Variants in SLC26A5 observed in about 807,000 individuals in gnomAD.
The protein encoded by SLC26A5 is solute carrier family 26 member 5.
In SLC26A5, 51 loss-of-function variants were observed where a neutral mutation model predicts 81.0. That is an observed-to-expected ratio of 0.63 (90% CI 0.50 to 0.80). The LOEUF (loss-of-function observed/expected upper bound fraction) is 0.80, where lower values mean the gene tolerates loss of function less well. Ranked by LOEUF, SLC26A5 falls within the 30% of genes least tolerant of loss-of-function variation. The pLI is 0.00. For missense variants in SLC26A5, 771 were observed against 905.8 expected, an observed-to-expected ratio of 0.85 and a Z score of 1.91; for synonymous variants, 325 against 332.8, an observed-to-expected ratio of 0.98 and a Z score of 0.25.
chr7:103,360,361 C>CT (rs1554574396), intron 19 of SLC26A5, among the ~76,000 whole-genome samples: 4 of 151,332 alleles, frequency 2.6e-5, no homozygotes, highest in South Asian at 2.1e-4. Context: ...TGGTCAGCCT[C>CT]TTTTTTTTTG....
chr7:103,437,519 A>G (rs1269261852), intron 2 of SLC26A5, among the ~76,000 whole-genome samples: 3 of 152,252 alleles, frequency 2.0e-5, no homozygotes, highest in African/African-American at 7.2e-5. Context: ...TAGCTAAGAC[A>G]TGGAACCAAT....
intron 14 of SLC26A5, among the ~76,000 whole-genome samples, chr7:103,386,266 CTTTAAAA>C (rs1822186217): frequency 6.6e-6 from 1 of 151,646 alleles, no homozygotes; most frequent in Non-Finnish European, 1.5e-5. Context: ...ACTTGCTGGA[CTTTAAAA>C]TTTATGATAA....
At chr7:103,365,655 C>T (rs1430043819) in intron 19 of SLC26A5, among the ~76,000 whole-genome samples, 3 of 151,804 alleles carry the variant, frequency 2.0e-5, no homozygotes, top group Admixed American at 6.6e-5. Flanking sequence ...AATAGCTGCG[C>T]GCAGTGGCTC....
At chr7:103,391,826 T>C (rs906426487) in intron 10 of SLC26A5, 91 bp from the exon 11 acceptor site, 3 of 930,334 alleles carry the variant, frequency 3.2e-6, no homozygotes, top group African/African-American at 1.6e-5. Context: ...TTGTCAGCAC[T>C]ACAGCCTATC....
intron 1 of SLC26A5, among the ~76,000 whole-genome samples, chr7:103,444,997 G>A (rs1270037842): frequency 6.6e-6 from 1 of 152,178 alleles, no homozygotes; most frequent in African/African-American, 2.4e-5. Context: ...GCATTTCTAT[G>A]CTGTAAATTC....
At chr7:103,441,217 A>C (rs933627026) in intron 2 of SLC26A5, among the ~76,000 whole-genome samples, 10 of 152,064 alleles carry the variant, frequency 6.6e-5, no homozygotes. Context: ...TGCTCAACTC[A>C]TGTCTGTCTC....
At chr7:103,390,954 C>T (rs949220127) in intron 11 of SLC26A5, among the ~76,000 whole-genome samples, 2 of 151,822 alleles carry the variant, frequency 1.3e-5, no homozygotes, top group Admixed American at 6.5e-5. Flanking sequence ...CAACCTCTGC[C>T]TCCTGGGTTC....
chr7:103,356,912 C>T (rs1820067233), intron 19 of SLC26A5, among the ~76,000 whole-genome samples: 1 of 152,060 alleles, frequency 6.6e-6, no homozygotes, highest in African/African-American at 2.4e-5. Context: ...ATTTTTAGTT[C>T]CTAAAAGCTA....
At chr7:103,398,996 TC>T (rs1159644628) in intron 8 of SLC26A5, among the ~76,000 whole-genome samples, 2 of 152,142 alleles carry the variant, frequency 1.3e-5, no homozygotes, top group African/African-American at 4.8e-5. Flanking sequence ...TGGCTCAAGC[TC>T]CTGGAGCTAT....
Position 103,359,186 on chromosome 7 carries a change from C to T in SLC26A5, c.2042-6260G>A, listed in dbSNP as rs533411732. On this transcript the variant is annotated intron_variant, in intron 19 of 19. Coordinates refer to the SLC26A5 transcript ENST00000339444. Reference sequence around the variant, plus strand: ...TTTTTTTTTTAATTTTTAGTAGAGACAGGGTCTTGCCATGTTGCCTGGGCT... The same window carrying T: ...TTTTTTTTTTAATTTTTAGTAGAGATAGGGTCTTGCCATGTTGCCTGGGCT... 7.2e-5 allele frequency among the ~76,000 whole-genome samples: 8 copies of T among 110,618 alleles called. No individual in the cohort carries two copies. The South Asian group carries it at 2.7e-3, about 37-fold the overall frequency. 72.6% of individuals were successfully genotyped at this position (110,618 alleles called of 152,430 possible). A position where few individuals can be genotyped will look rare whatever the true frequency, so the allele number is the denominator to read the frequency against.
At chr7:103,363,573 G>A (rs2116241828) in intron 19 of SLC26A5, 4 of 748,374 alleles carry the variant, frequency 5.3e-6, no homozygotes, top group South Asian at 5.2e-5. Flanking sequence ...GGTGGAGAGA[G>A]GAGGTGTGGA....
intron 8 of SLC26A5, among the ~76,000 whole-genome samples, chr7:103,401,361 GCTCT>G (rs549821159): frequency 2.0e-4 from 31 of 151,976 alleles, no homozygotes; most frequent in East Asian, 7.7e-4. Flanking sequence ...TCATGATTTG[GCTCT>G]CTATTTTTGA....
chr7:103,399,066 G>A (rs1823375144), intron 8 of SLC26A5, among the ~76,000 whole-genome samples: 1 of 151,982 alleles, frequency 6.6e-6, no homozygotes, highest in African/African-American at 2.4e-5. Flanking sequence ...ACAAACAGAT[G>A]TATTATAAAA....
intron 19 of SLC26A5, chr7:103,354,027 C>T: frequency 8.3e-7 from 1 of 1,198,444 alleles, no homozygotes; most frequent in Non-Finnish European, 1.2e-6. Context: ...TGGTATTGTC[C>T]TTCCAAAATA....
intron 2 of SLC26A5, chr7:103,433,699 C>CTTT (rs1826243040): frequency 7.2e-6 from 1 of 139,320 alleles, no homozygotes; most frequent in African/African-American, 2.9e-5. Context: ...ATTTTTTTTT[C>CTTT]TTTCTTTTTT....
intron 14 of SLC26A5, among the ~76,000 whole-genome samples, chr7:103,384,151 A>T (rs1171766108): frequency 6.6e-6 from 1 of 152,014 alleles, no homozygotes; most frequent in East Asian, 1.9e-4. Flanking sequence ...AAAATAAAAA[A>T]AATTTTTTTT....
Position 103,359,971 on chromosome 7 carries a change from C to T in SLC26A5, c.2042-7045G>A, listed in dbSNP as rs116102088. 4.4e-3 allele frequency among the ~76,000 whole-genome samples: 672 copies of T among 151,870 alleles called. 7 individuals are homozygous for T. Among genetic ancestry groups the T allele is most frequent in the African/African-American group, 0.015 (619 of 41,376 alleles). ...TGGCAGGCGCCTGTAATCCCAGACA[C>T]TTAGGAGGCTGACGCAGGAGAATTG... On this transcript the variant is annotated intron_variant, in intron 19 of 19. Transcript: ENST00000339444.
At chr7:103,363,439 T>C (rs1820525556) in intron 19 of SLC26A5, 3 of 1,602,464 alleles carry the variant, frequency 1.9e-6, no homozygotes, top group Middle Eastern at 1.7e-4. Context: ...CATTACTTCA[T>C]GTAAGTAGCT....
At chr7:103,408,125 C>G (rs769348533) in intron 7 of SLC26A5, 122 bp from the exon 8 acceptor site, 343 of 1,327,958 alleles carry the variant, frequency 2.6e-4, no homozygotes, top group Non-Finnish European at 3.4e-4. Context: ...TGGAAAGTTC[C>G]AAGGCTGAAA....
Sources: allele counts gnomAD v4.1 joint callset (sites outside exome capture counted in the v4.1 genomes callset), GRCh38; gene constraint gnomAD v4.1.1; transcripts MANE v1.5; gene names NCBI Gene and HGNC (gene_info 2026-07-23, HGNC 2026-07-21).